BRWD1: variants seen among roughly 807,000 people sequenced by gnomAD.
BRWD1 encodes the protein bromodomain and WD repeat domain containing 1, also known as bromodomain and WD repeat-containing protein 1.
A neutral mutation model predicts 251.2 loss-of-function variants in BRWD1; 82 were observed. That is an observed-to-expected ratio of 0.33 (90% confidence interval 0.27 to 0.39). The LOEUF (loss-of-function observed/expected upper bound fraction) is 0.39. BRWD1 is among the 10% of genes least tolerant of loss of function. The pLI, the probability that BRWD1 is intolerant of heterozygous loss-of-function variation, is 1.00. For synonymous variants in BRWD1, 918 were observed against 902.8 expected (o/e 1.02, Z -0.30); for missense variants, 2,233 against 2,711.6 (o/e 0.82, Z 3.92).
At position 39,264,699 on chromosome 21, in the gene BRWD1, G is replaced by T. The variant is rs1247109135; in HGVS notation, c.1660-14C>A. On this transcript the variant is annotated splice_polypyrimidine_tract_variant and intron_variant, in intron 16 of 40. Coordinates refer to ENST00000342449, the MANE Select transcript of BRWD1 (RefSeq NM_033656.4). ...CTGATCAGGAATCTAGAAAAATGAA[G>T]TTCACAGGATGACATTTTAAGGTTC... 6.4e-7 allele frequency: 1 copy of T among 1,572,148 alleles called. No individual in the cohort carries two copies. The highest frequency in any genetic ancestry group is 1.4e-5 in the African/African-American group (1 of 73,638).
At chr21:39,303,379 C>T (rs1024677428) in intron 4 of BRWD1, among the ~76,000 whole-genome samples, 1 of 151,244 alleles carries the variant, frequency 6.6e-6, no homozygotes, top group Non-Finnish European at 1.5e-5. Flanking sequence ...ATTAGCCGGG[C>T]ATGGTAGCAG....
At chr21:39,282,561 A>T (rs1013401633) in intron 8 of BRWD1, among the ~76,000 whole-genome samples, 33 of 152,052 alleles carry the variant, frequency 2.2e-4, no homozygotes, top group Admixed American at 6.6e-4. Flanking sequence ...CTTTCACTTT[A>T]AAAAAAATTT....
intron 8 of BRWD1, among the ~76,000 whole-genome samples, chr21:39,282,101 C>CAT (rs1346797693): frequency 6.6e-6 from 1 of 151,216 alleles, no homozygotes; most frequent in Non-Finnish European, 1.5e-5. Context: ...CGTATATAAA[C>CAT]ATATATATAA....
chr21:39,204,389 ACAACT>A (rs1271398988), intron 37 of BRWD1, among the ~76,000 whole-genome samples: 2 of 152,052 alleles, frequency 1.3e-5, no homozygotes, highest in African/African-American at 2.4e-5. Context: ...TAAACATTGC[ACAACT>A]CAATTTTTAT....
rs376325390 is a variant in BRWD1 at position 39,233,922 on chromosome 21, AG to A, written c.2767-1425del. On this transcript the variant is annotated intron_variant, in intron 23 of 40. Coordinates refer to ENST00000342449, the MANE Select transcript of BRWD1 (RefSeq NM_033656.4). ...GTAGTCCCAGCTACTTGGGAGGCTG[AG>A]GCAGAAGAACTGCTTGAACACGGGA... 2.6e-5 allele frequency among the ~76,000 whole-genome samples: 4 copies of A among 152,346 alleles called. No individual in the cohort carries two copies. In the East Asian group the frequency reaches 7.7e-4, roughly 29 times the overall value.
At chr21:39,215,167 G>T in intron 32 of BRWD1, 70 bp downstream of exon 32, 1 of 1,529,514 alleles carries the variant, frequency 6.5e-7, no homozygotes, top group Non-Finnish European at 9.0e-7. Context: ...CACCACGCCC[G>T]GCAAAACTAG....
chr21:39,316,654 C>T (rs1006067881), upstream of BRWD1, among the ~76,000 whole-genome samples: 1 of 152,174 alleles, frequency 6.6e-6, no homozygotes, highest in Admixed American at 6.5e-5. Context: ...AATGATGACA[C>T]GAGCCCAGAC....
In BRWD1 at chr21:39,259,841, AAAAT is replaced by A. The variant is rs1156711614; in HGVS notation, c.1886-1173_1886-1170del. Reference sequence around the variant, plus strand: ...GACAAGAGTCAAACTGTGTCTCAAAAAAATAAATAAATAAAATTAAAAATAAAGG... The same window carrying A: ...GACAAGAGTCAAACTGTGTCTCAAAAAAATAAATAAAATTAAAAATAAAGG... On this transcript the variant is annotated intron_variant, in intron 17 of 40. Transcript: ENST00000342449. Among the ~76,000 whole-genome samples the A allele has an allele frequency of 6.6e-5, 10 of 152,234 alleles. 1 individual carries two copies. The South Asian group carries it at 1.0e-3, about 16-fold the overall frequency.
chr21:39,314,564 G>A (rs151237606), upstream of BRWD1: 3 of 346,144 alleles, frequency 8.7e-6, no homozygotes, highest in African/African-American at 6.5e-5. Flanking sequence ...GGTGGACGAC[G>A]ACCAGAAAAT....
At chr21:39,304,618 A>AC (rs888384394) in intron 4 of BRWD1, among the ~76,000 whole-genome samples, 1 of 22,036 alleles carries the variant, frequency 4.5e-5, no homozygotes, top group Non-Finnish European at 1.0e-4. Context: ...TGTCTGGAAA[A>AC]CAAAAAAAAA....
intron 23 of BRWD1, among the ~76,000 whole-genome samples, chr21:39,232,972 A>G (rs1281271410): frequency 6.6e-6 from 1 of 152,176 alleles, no homozygotes; most frequent in Admixed American, 6.5e-5. Flanking sequence ...AGTGTGGACT[A>G]CACTTAATGA....
rs56801824 is a variant in BRWD1 at position 39,244,921 on chromosome 21, AATATATATATAT to A, written c.2481+2768_2481+2779del. Among the ~76,000 whole-genome samples the A allele has an allele frequency of 2.1e-4, 24 of 112,558 alleles. 1 individual carries two copies. The South Asian group carries it at 3.4e-3, about 16-fold the overall frequency. 73.8% of individuals were successfully genotyped at this position (112,558 alleles called of 152,430 possible). A position where few individuals can be genotyped will look rare whatever the true frequency, so the allele number is the denominator to read the frequency against. On this transcript the variant is annotated intron_variant, in intron 21 of 40. Coordinates refer to ENST00000342449, the MANE Select transcript of BRWD1 (RefSeq NM_033656.4). ...AGTTACATATAGAAACTTTGGAAGA[AATATATATATAT>A]ATATATATATATGCAGAAAAAGAAA...
Position 39,186,996 on chromosome 21 carries a change from T to C in BRWD1, c.*9263A>G. Reference sequence around the variant, plus strand: ...CAGTTTACTTGTGTACCAATTGTTTTCAGATGCCACTTCTACATTCTCATA... The same window carrying C: ...CAGTTTACTTGTGTACCAATTGTTTCCAGATGCCACTTCTACATTCTCATA... On this transcript the variant is annotated 3_prime_UTR_variant, in exon 41 of 41. Transcript: ENST00000342449. 6.6e-7 allele frequency: 1 copy of C among 1,521,568 alleles called. No homozygotes were observed. Among genetic ancestry groups the C allele is most frequent in the Non-Finnish European group, 8.8e-7 (1 of 1,140,804 alleles). The allele number at this position is 1,521,568 out of a possible 1,614,324, so 94.3% of individuals were successfully genotyped here. A position where few individuals can be genotyped will look rare whatever the true frequency, so the allele number is the denominator to read the frequency against.
At chr21:39,305,399 G>A (rs1487859953) in intron 4 of BRWD1, among the ~76,000 whole-genome samples, 2 of 152,156 alleles carry the variant, frequency 1.3e-5, no homozygotes, top group African/African-American at 4.8e-5. Context: ...CTTGTTGGGT[G>A]AGCCTATGGA....
intron 31 of BRWD1, among the ~76,000 whole-genome samples, chr21:39,215,993 C>CCA (rs1555851452): frequency 6.6e-6 from 1 of 152,012 alleles, no homozygotes; most frequent in African/African-American, 2.4e-5. Flanking sequence ...GAGCAAGACT[C>CCA]TCTCAAAAAC....
Position 39,298,561 on chromosome 21 carries a change from C to A in BRWD1, c.220G>T (p.Ala74Ser). The A allele has an allele frequency of 6.3e-7, 1 of 1,599,302 alleles. No homozygotes were observed. The highest frequency in any genetic ancestry group is 8.5e-7 in the Non-Finnish European group (1 of 1,174,628). Residue 74 changes from alanine to serine, a missense_variant, in exon 5 of 41, where the codon GCT becomes TCT. Coordinates refer to ENST00000342449, the MANE Select transcript of BRWD1 (RefSeq NM_033656.4). ...CAGATTTGCAAAAGATGATCAGGAG[C>A]CACATGCTTATTGGACAAGACCTAG... ...EELVLSNKHV[A>S]PDHLLQICQR...
chr21:39,222,090 T>C (rs1461497796), intron 29 of BRWD1, among the ~76,000 whole-genome samples: 2 of 151,942 alleles, frequency 1.3e-5, no homozygotes, highest in Non-Finnish European at 2.9e-5. Context: ...GGAACCCACA[T>C]ACACTGTTGC....
chr21:39,213,583 T>C, intron 32 of BRWD1, 30 bp from the exon 33 acceptor site: 4 of 1,460,470 alleles, frequency 2.7e-6, no homozygotes, highest in East Asian at 2.3e-5. Flanking sequence ...TTTAATAGTA[T>C]GCAGATGTAG....
chr21:39,202,565 A>C lies in BRWD1; in HGVS notation c.4365-20T>G. On this transcript the variant is annotated intron_variant, in intron 37 of 40. Transcript: ENST00000342449. ...AGGTTTCTGGCCAAACATATGAACA[A>C]AGGAAACAGTATTTAACAAAATACA... 5 of 1,548,550 alleles carry C rather than the reference A, an allele frequency of 3.2e-6. No individual in the cohort carries two copies. Among genetic ancestry groups the C allele is most frequent in the Non-Finnish European group, 4.4e-6 (5 of 1,124,210 alleles).
Sources: gnomAD v4.1 joint callset for allele counts (sites outside exome capture counted in the v4.1 genomes callset) on GRCh38, gnomAD v4.1.1 for gene constraint, MANE v1.5 for transcripts, NCBI Gene and HGNC (gene_info 2026-07-23, HGNC 2026-07-21) for gene names.